The following CSMD1 variants were observed in gnomAD, a reference collection of about 807,000 sequenced individuals.
CSMD1 encodes CUB and Sushi multiple domains 1, also known as CUB and sushi domain-containing protein 1.
A neutral mutation model predicts 417.5 loss-of-function variants in CSMD1; 213 were observed. The ratio of observed to expected loss-of-function variants is 0.51; its 90% confidence interval spans 0.46 to 0.57. The LOEUF (loss-of-function observed/expected upper bound fraction) is 0.57. Ranked by LOEUF, CSMD1 falls within the 20% of genes least tolerant of loss-of-function variation. The pLI, the probability that CSMD1 is intolerant of heterozygous loss-of-function variation, is 0.00. For missense variants in CSMD1, 6,923 were observed against 4,529.7 expected, an observed-to-expected ratio of 1.53 and a Z score of -15.17; for synonymous variants, 2,862 against 1,736.8, an observed-to-expected ratio of 1.65 and a Z score of -16.11.
chr8:3,473,634 T>C (rs1333018205), intron 11 of CSMD1, among the ~76,000 whole-genome samples: 3 of 152,170 alleles, frequency 2.0e-5, no homozygotes, highest in Non-Finnish European at 2.9e-5. Context: ...AAAAATAAAA[T>C]AGATACTGGC....
intron 5 of CSMD1, among the ~76,000 whole-genome samples, chr8:3,930,374 G>C: frequency 6.6e-6 from 1 of 150,450 alleles, no homozygotes; most frequent in East Asian, 2.0e-4. Flanking sequence ...TATGTTCTTA[G>C]CTCACACAAC....
intron 25 of CSMD1, 187 bp from the exon 26 acceptor site, chr8:3,284,533 A>G (rs1204426163): frequency 8.4e-6 from 5 of 593,900 alleles, no homozygotes; most frequent in South Asian, 7.8e-5. Context: ...AGTGTAAATT[A>G]GGATAAAGCA....
At chr8:4,235,933 G>A (rs554066691) in intron 3 of CSMD1, among the ~76,000 whole-genome samples, 1 of 150,942 alleles carries the variant, frequency 6.6e-6, no homozygotes, top group Non-Finnish European at 1.5e-5. Flanking sequence ...AACCATTTGT[G>A]TTTACCGTGA....
intron 7 of CSMD1, among the ~76,000 whole-genome samples, chr8:3,707,918 C>A (rs1801265517): frequency 6.6e-6 from 1 of 152,092 alleles, no homozygotes; most frequent in South Asian, 2.1e-4. Context: ...TGGGCACGTG[C>A]AAAAGTCATC....
chr8:3,382,784 G>C (rs1212485121), intron 18 of CSMD1, among the ~76,000 whole-genome samples: 3 of 151,372 alleles, frequency 2.0e-5, no homozygotes, highest in East Asian at 1.9e-4. Flanking sequence ...AACTATTTTT[G>C]GTTGTCTGAC....
chr8:4,213,314 T>C lies in CSMD1; in HGVS notation c.416-181215A>G, dbSNP rs532817654. ...CAGCTCTGCTCACACCACACCTCTC[T>C]GCTCCAGACATGCAATTCAGAGAGT... On this transcript the variant is annotated intron_variant, in intron 3 of 69. Coordinates refer to ENST00000635120, the MANE Select transcript of CSMD1 (RefSeq NM_033225.6). Among the ~76,000 whole-genome samples the C allele has an allele frequency of 2.0e-4, 31 of 152,288 alleles. No individual in the cohort carries two copies. The South Asian group carries it at 6.4e-3, about 32-fold the overall frequency.
intron 10 of CSMD1, among the ~76,000 whole-genome samples, chr8:3,543,647 A>C (rs961821753): frequency 6.6e-6 from 1 of 152,144 alleles, no homozygotes; most frequent in Admixed American, 6.5e-5. Context: ...TGAAAAAAAA[A>C]AAGAATTGCC....
intron 2 of CSMD1, among the ~76,000 whole-genome samples, chr8:4,464,899 A>G (rs1330636333): frequency 6.6e-6 from 1 of 152,022 alleles, no homozygotes; most frequent in Non-Finnish European, 1.5e-5. Flanking sequence ...TATTAGTTTT[A>G]TTAGCCTCTC....
chr8:3,579,331 C>G (rs531268093), intron 9 of CSMD1, among the ~76,000 whole-genome samples: 1 of 124,920 alleles, frequency 8.0e-6, no homozygotes, highest in Non-Finnish European at 1.8e-5. Context: ...TGCAATTTAT[C>G]TTACTTAATA....
At chr8:3,512,926 C>T (rs1214858454) in intron 10 of CSMD1, among the ~76,000 whole-genome samples, 2 of 151,846 alleles carry the variant, frequency 1.3e-5, no homozygotes, top group Non-Finnish European at 2.9e-5. Flanking sequence ...ACACGTGGGC[C>T]CGTTGTATAA....
At chr8:3,588,220 C>G (rs1374744583) in intron 8 of CSMD1, among the ~76,000 whole-genome samples, 2 of 152,148 alleles carry the variant, frequency 1.3e-5, no homozygotes, top group East Asian at 1.9e-4. Context: ...ATGTGTCACA[C>G]TCTAAGTACC....
chr8:4,050,749 T>C (rs1271923041), intron 3 of CSMD1, among the ~76,000 whole-genome samples: 1 of 152,148 alleles, frequency 6.6e-6, no homozygotes, highest in East Asian at 1.9e-4. Flanking sequence ...CACTAAACTA[T>C]AAATGCCCTA....
At chr8:4,203,592 C>G (rs1039582412) in intron 3 of CSMD1, among the ~76,000 whole-genome samples, 9 of 152,088 alleles carry the variant, frequency 5.9e-5, no homozygotes, top group Non-Finnish European at 1.2e-4. Context: ...GACTTAGAAT[C>G]AAAGAGCAGC....
Position 3,358,747 on chromosome 8 carries a change from G to A in CSMD1, c.3304+405C>T, listed in dbSNP as rs188855298. 1.5e-3 allele frequency among the ~76,000 whole-genome samples: 222 copies of A among 152,158 alleles called. 3 individuals carry two copies. Among genetic ancestry groups the A allele is most frequent in the Admixed American group, 2.2e-3 (33 of 15,290 alleles). ...CAACAAAAACAAAATTGTCACCATC[G>A]TTATACCAAGGGACACGTGCTGCTT... On this transcript the variant is annotated intron_variant, in intron 21 of 69. Coordinates refer to ENST00000635120, the MANE Select transcript of CSMD1 (RefSeq NM_033225.6).
At chr8:3,457,016 C>G (rs1816192310) in intron 12 of CSMD1, among the ~76,000 whole-genome samples, 1 of 151,960 alleles carries the variant, frequency 6.6e-6, no homozygotes, top group Non-Finnish European at 1.5e-5. Flanking sequence ...CCTTGCACAT[C>G]TCATCCTGGA....
chr8:3,890,435 T>C (rs577813502), intron 5 of CSMD1, among the ~76,000 whole-genome samples: 1 of 151,894 alleles, frequency 6.6e-6, no homozygotes, highest in Non-Finnish European at 1.5e-5. Context: ...AAGCTCGCAG[T>C]GTCTTGGAGG....
intron 3 of CSMD1, among the ~76,000 whole-genome samples, chr8:4,270,126 T>C (rs1804491582): frequency 6.6e-6 from 1 of 152,144 alleles, no homozygotes; most frequent in East Asian, 1.9e-4. Context: ...AGACTTTGGT[T>C]GTGATAGGGA....
At chr8:4,045,530 T>A (rs144916221) in intron 3 of CSMD1, among the ~76,000 whole-genome samples, 14 of 152,278 alleles carry the variant, frequency 9.2e-5, no homozygotes, top group Middle Eastern at 3.4e-3. Flanking sequence ...TGGGGCCCTG[T>A]GGGCAGCAGA....
chr8:3,743,337 G>C (rs563171607), intron 6 of CSMD1, among the ~76,000 whole-genome samples: 2 of 152,314 alleles, frequency 1.3e-5, no homozygotes, highest in South Asian at 2.1e-4. Context: ...CAAACAACTT[G>C]CTGCTTTTGC....
Sources: gnomAD v4.1 joint callset for allele counts (sites outside exome capture counted in the v4.1 genomes callset) on GRCh38, gnomAD v4.1.1 for gene constraint, MANE v1.5 for transcripts, NCBI Gene and HGNC (gene_info 2026-07-23, HGNC 2026-07-21) for gene names.